SBF2: variants seen among roughly 807,000 people sequenced by gnomAD.
SBF2 encodes myotubularin-related protein 13.
SBF2 carries 112 observed loss-of-function variants against 225.2 expected under a neutral mutation model. The observed-to-expected ratio is 0.50, with a 90% CI of 0.43 to 0.58. The LOEUF (loss-of-function observed/expected upper bound fraction) is 0.58, where lower values mean the gene tolerates loss of function less well. Among genes scored for constraint, SBF2 ranks in the 20% least tolerant of loss-of-function variants. The probability of loss-of-function intolerance (pLI) is 0.00; values close to 1 mark genes in which losing one functional copy is unlikely to be tolerated. For synonymous variants in SBF2, 763 were observed against 773.3 expected, an observed-to-expected ratio of 0.99 and a Z score of 0.22; for missense variants, 1,996 against 2,206.2, an observed-to-expected ratio of 0.90 and a Z score of 1.91.
At chr11:10,171,842 G>A (rs1956202692) in intron 2 of SBF2, among the ~76,000 whole-genome samples, 1 of 152,084 alleles carries the variant, frequency 6.6e-6, no homozygotes, top group East Asian at 1.9e-4. Context: ...GGTCTGTTCA[G>A]GTTTTGGATT....
chr11:9,873,583 A>T (rs1858966277), intron 17 of SBF2, among the ~76,000 whole-genome samples: 1 of 152,234 alleles, frequency 6.6e-6, no homozygotes, highest in South Asian at 2.1e-4. Flanking sequence ...TAACTGGGAA[A>T]TAGAAGTATC....
chr11:9,825,000 T>C (rs1854985491), intron 28 of SBF2, among the ~76,000 whole-genome samples: 1 of 152,212 alleles, frequency 6.6e-6, no homozygotes, highest in Non-Finnish European at 1.5e-5. Flanking sequence ...ACGAAGCGTG[T>C]ATCTTAAACT....
At chr11:10,299,218 G>A (rs1964574423), upstream of SBF2, among the ~76,000 whole-genome samples, 1 of 151,386 alleles carries the variant, frequency 6.6e-6, no homozygotes, top group Non-Finnish European at 1.5e-5. Context: ...GGCACCTGTA[G>A]TCCCAGCTAC....
intron 21 of SBF2, among the ~76,000 whole-genome samples, chr11:9,851,135 C>CAAAAA (rs773210379): frequency 1.4e-4 from 10 of 72,478 alleles, no homozygotes; most frequent in Admixed American, 3.1e-4. Context: ...GACTCCATCT[C>CAAAAA]AAAAAAAAAA....
chr11:9,782,802 G>A (rs1021170087), intron 38 of SBF2, among the ~76,000 whole-genome samples: 7 of 151,672 alleles, frequency 4.6e-5, no homozygotes, highest in Non-Finnish European at 1.0e-4. Context: ...CCCAGGAGGT[G>A]GAGCTTGCAG....
At chr11:9,833,120 G>A (rs1026259948) in intron 26 of SBF2, among the ~76,000 whole-genome samples, 2 of 152,216 alleles carry the variant, frequency 1.3e-5, no homozygotes, top group Admixed American at 6.5e-5. Flanking sequence ...CTGAGATGGT[G>A]AAAGGCTTAA....
chr11:10,176,824 C>T (rs1225750825), intron 2 of SBF2, among the ~76,000 whole-genome samples: 1 of 152,102 alleles, frequency 6.6e-6, no homozygotes, highest in Non-Finnish European at 1.5e-5. Context: ...AGAAGGAATC[C>T]TCCCTAACTC....
At chr11:9,995,345 A>T (rs1230916667) in intron 9 of SBF2, among the ~76,000 whole-genome samples, 2 of 152,168 alleles carry the variant, frequency 1.3e-5, no homozygotes, top group Non-Finnish European at 2.9e-5. Context: ...ATCATTTTCA[A>T]CTACTAAGAT....
At chr11:10,172,348 T>C (rs1956232480) in intron 2 of SBF2, among the ~76,000 whole-genome samples, 1 of 152,030 alleles carries the variant, frequency 6.6e-6, no homozygotes, top group African/African-American at 2.4e-5. Flanking sequence ...TATTGTTTGT[T>C]TCAAAAAAAA....
At chr11:9,929,681 T>C (rs956972769) in intron 16 of SBF2, among the ~76,000 whole-genome samples, 2 of 152,154 alleles carry the variant, frequency 1.3e-5, no homozygotes, top group Non-Finnish European at 2.9e-5. Flanking sequence ...GTTGAACAAA[T>C]TGGGCTACAA....
intron 2 of SBF2, among the ~76,000 whole-genome samples, chr11:10,067,247 G>A (rs1344709939): frequency 1.3e-5 from 2 of 152,132 alleles, no homozygotes; most frequent in Admixed American, 6.5e-5. Flanking sequence ...ATTGTTGAAG[G>A]GCTGGCCAAC....
chr11:10,247,143 G>A (rs1959881691), intron 1 of SBF2, among the ~76,000 whole-genome samples: 1 of 152,102 alleles, frequency 6.6e-6, no homozygotes, highest in Non-Finnish European at 1.5e-5. Context: ...GAAACATTGG[G>A]TGGAATGTAA....
chr11:9,961,126 GAT>G (rs1866540515), intron 16 of SBF2: 1 of 152,118 alleles, frequency 6.6e-6, no homozygotes, highest in Admixed American at 6.5e-5. Context: ...GGGGAGAATT[GAT>G]ATCTTTAACA....
At chr11:10,115,609 C>G (rs1423032865) in intron 2 of SBF2, among the ~76,000 whole-genome samples, 1 of 152,184 alleles carries the variant, frequency 6.6e-6, no homozygotes, top group Non-Finnish European at 1.5e-5. Flanking sequence ...ATTCTAGATA[C>G]TAAATCCTGC....
intron 17 of SBF2, among the ~76,000 whole-genome samples, chr11:9,876,201 C>T (rs1344047091): frequency 6.6e-6 from 1 of 152,184 alleles, no homozygotes; most frequent in East Asian, 1.9e-4. Context: ...TGCTTTCTCC[C>T]TGCCATGACA....
chr11:9,966,068 A>G (rs1866889276), intron 14 of SBF2, among the ~76,000 whole-genome samples: 1 of 152,096 alleles, frequency 6.6e-6, no homozygotes, highest in Non-Finnish European at 1.5e-5. Context: ...TATTAGAAAA[A>G]AACATATTTT....
chr11:10,053,668 C>T (rs4284389), intron 2 of SBF2, among the ~76,000 whole-genome samples: 69,695 of 151,650 alleles, frequency 0.46, 16,424 homozygotes, highest in Admixed American at 0.56. Flanking sequence ...GGCCAGAGGA[C>T]CACTTGAGCC....
intron 2 of SBF2, among the ~76,000 whole-genome samples, chr11:10,156,087 GC>G (rs1955462543): frequency 6.6e-6 from 1 of 152,146 alleles, no homozygotes; most frequent in Non-Finnish European, 1.5e-5. Flanking sequence ...AGCCCAGGAA[GC>G]CCCCCCTATC....
rs193193259 is a variant in SBF2 at position 10,209,230 on chromosome 11, A to G, written c.56-15243T>C. ...CAAGTAGGCCTTTCTCATTACACAA[A>G]TACAGGTGACAAATTTCTTCTTCCC... On this transcript the variant is annotated intron_variant, in intron 1 of 39. Coordinates refer to ENST00000256190, the MANE Select transcript of SBF2 (RefSeq NM_030962.4). Among the ~76,000 whole-genome samples, 6 of 152,110 alleles carry G rather than the reference A, an allele frequency of 3.9e-5. No individual in the cohort carries two copies. The East Asian group carries it at 1.2e-3, about 29-fold the overall frequency.
Sources: gnomAD v4.1 joint callset for allele counts (sites outside exome capture counted in the v4.1 genomes callset) on GRCh38, gnomAD v4.1.1 for gene constraint, MANE v1.5 for transcripts, NCBI Gene and HGNC (gene_info 2026-07-23, HGNC 2026-07-21) for gene names.